The following PPEF1 variants were observed in gnomAD, a reference collection of about 807,000 sequenced individuals.
PPEF1 encodes the protein protein phosphatase with EF-hand domain 1.
A neutral mutation model predicts 53.3 loss-of-function variants in PPEF1; 12 were observed. The observed-to-expected ratio is 0.23, with a 90% CI of 0.14 to 0.36. PPEF1 has a LOEUF of 0.36. Ranked by LOEUF, PPEF1 falls within the 10% of genes least tolerant of loss-of-function variation. The pLI is 1.00. For missense variants in PPEF1, 334 were observed against 490.4 expected (o/e 0.68, Z 3.01); for synonymous variants, 165 against 176.7 (o/e 0.93, Z 0.52).
chrX:18,772,329 A>G (rs2045888333), intron 6 of PPEF1, among the ~76,000 whole-genome samples: 1 of 111,386 alleles, frequency 9.0e-6, no homozygotes, highest in African/African-American at 3.3e-5. Flanking sequence ...GGACCCATGC[A>G]GTTCAAAGCT....
intron 12 of PPEF1, among the ~76,000 whole-genome samples, chrX:18,814,625 C>T (rs1203086853): frequency 2.7e-5 from 3 of 111,611 alleles, no homozygotes; most frequent in Admixed American, 1.9e-4. Flanking sequence ...GTTGGTTGGC[C>T]GCTTATAGGT....
chrX:18,820,471 C>T (rs1432174088), intron 13 of PPEF1, among the ~76,000 whole-genome samples: 1 of 109,084 alleles, frequency 9.2e-6, no homozygotes, highest in African/African-American at 3.3e-5. Context: ...CTGCAACCTC[C>T]GCCTCCCGGG....
At chrX:18,769,827 G>C (rs1389122704) in intron 6 of PPEF1, among the ~76,000 whole-genome samples, 1 of 112,088 alleles carries the variant, frequency 8.9e-6, no homozygotes, top group Non-Finnish European at 1.9e-5. Context: ...AATTAACGTG[G>C]AGTTGACCAG....
At chrX:18,744,026 G>A (rs2045266211) in intron 3 of PPEF1, among the ~76,000 whole-genome samples, 1 of 110,072 alleles carries the variant, frequency 9.1e-6, no homozygotes, top group Non-Finnish European at 1.9e-5. Context: ...GAGTAGCTGG[G>A]ATTACAGGCA....
intron 15 of PPEF1, among the ~76,000 whole-genome samples, chrX:18,826,912 C>G (rs16980894): frequency 0.095 from 10,440 of 110,400 alleles, 1,247 homozygotes; most frequent in African/African-American, 0.33. Context: ...TGACTCCCAC[C>G]GTATCTTCTC....
At chrX:18,700,270 TGTGTGTG>T (rs749338380) in intron 5 of PPEF1, 27,155 of 96,368 alleles carry the variant, frequency 0.28, 2,720 homozygotes, top group Non-Finnish European at 0.34. Context: ...TGTGTGTGTG[TGTGTGTG>T]TGTGTTTGTG....
At chrX:18,693,504 G>A (rs1929530732) in intron 4 of PPEF1, among the ~76,000 whole-genome samples, 2 of 112,300 alleles carry the variant, frequency 1.8e-5, no homozygotes, top group Non-Finnish European at 3.8e-5. Flanking sequence ...GTATGTGGGC[G>A]TATCTCTGCA....
chrX:18,795,139 A>G (rs1330658585), intron 10 of PPEF1, among the ~76,000 whole-genome samples: 2 of 110,554 alleles, frequency 1.8e-5, no homozygotes, highest in African/African-American at 6.6e-5. Context: ...GCGAAACCCC[A>G]TATCTATAAA....
intron 12 of PPEF1, among the ~76,000 whole-genome samples, chrX:18,813,925 T>C (rs1056524100): frequency 9.0e-6 from 1 of 111,681 alleles, no homozygotes; most frequent in African/African-American, 3.3e-5. Flanking sequence ...GTTTGATGTA[T>C]GAGTGATTTC....
At chrX:18,719,888 G>A (rs1004155318) in intron 1 of PPEF1, among the ~76,000 whole-genome samples, 1 of 111,763 alleles carries the variant, frequency 8.9e-6, no homozygotes, top group African/African-American at 3.3e-5. Flanking sequence ...GTCTCAAAGC[G>A]TGTTCCTGCA....
chrX:18,779,976 C>A (rs975621617), intron 7 of PPEF1, among the ~76,000 whole-genome samples: 4 of 111,422 alleles, frequency 3.6e-5, no homozygotes, highest in Non-Finnish European at 7.5e-5. Context: ...TTCTAATTCT[C>A]AAGGTATGGA....
chrX:18,739,540 C>A (rs1407061477), intron 3 of PPEF1, among the ~76,000 whole-genome samples: 1 of 111,971 alleles, frequency 8.9e-6, no homozygotes, highest in Non-Finnish European at 1.9e-5. Flanking sequence ...TGTCATTCGG[C>A]CCCTCCTGGG....
At chrX:18,738,847 ACTT>A (rs2147405392) in intron 3 of PPEF1, among the ~76,000 whole-genome samples, 1 of 110,763 alleles carries the variant, frequency 9.0e-6, no homozygotes, top group South Asian at 3.9e-4. Context: ...TTTTCTCTGA[ACTT>A]CTCTTCTCGC....
At chrX:18,734,392 C>T (rs1420315945) in intron 3 of PPEF1, among the ~76,000 whole-genome samples, 1 of 106,921 alleles carries the variant, frequency 9.4e-6, no homozygotes, top group Non-Finnish European at 1.9e-5. Context: ...GGTTTTCTGT[C>T]CTTGCGATAG....
chrX:18,715,017 G>A (rs998011644), intron 1 of PPEF1, among the ~76,000 whole-genome samples: 2 of 111,910 alleles, frequency 1.8e-5, no homozygotes, highest in Non-Finnish European at 1.9e-5. Context: ...TTGAGAAAGC[G>A]TAACCTACAT....
intron 2 of PPEF1, among the ~76,000 whole-genome samples, chrX:18,733,513 A>T (rs186577301): frequency 8.9e-6 from 1 of 111,952 alleles, no homozygotes; most frequent in East Asian, 2.8e-4. Flanking sequence ...CCCTTGCTTC[A>T]GCCAGTCGTT....
intron 6 of PPEF1, among the ~76,000 whole-genome samples, chrX:18,763,153 C>T (rs1356968656): frequency 9.0e-6 from 1 of 111,595 alleles, no homozygotes; most frequent in Non-Finnish European, 1.9e-5. Context: ...GAAGACCTTC[C>T]TCTGGAGCCT....
At chrX:18,735,544 T>A in intron 3 of PPEF1, among the ~76,000 whole-genome samples, 1 of 112,053 alleles carries the variant, frequency 8.9e-6, no homozygotes, top group Middle Eastern at 4.6e-3. Context: ...TGTAGTATAG[T>A]TTGAAGTCAG....
chrX:18,678,671 C>T (rs910077707), upstream of PPEF1, among the ~76,000 whole-genome samples: 3 of 111,946 alleles, frequency 2.7e-5, no homozygotes, highest in Non-Finnish European at 5.6e-5. Context: ...ATTTGATCTA[C>T]TAGCAGCATT....
Sources: gnomAD v4.1 joint callset for allele counts (sites outside exome capture counted in the v4.1 genomes callset) on GRCh38, gnomAD v4.1.1 for gene constraint, MANE v1.5 for transcripts, NCBI Gene and HGNC (gene_info 2026-07-23, HGNC 2026-07-21) for gene names.